Variants in SPC25 observed in about 807,000 individuals in gnomAD.
SPC25 encodes the protein SPC25 component of NDC80 kinetochore complex.
SPC25 carries 22 observed loss-of-function variants against 29.6 expected under a neutral mutation model. That is an observed-to-expected ratio of 0.74 (90% confidence interval 0.53 to 1.06). SPC25 has a LOEUF of 1.06. SPC25 is among the 50% of genes least tolerant of loss of function. The pLI is 0.00. For synonymous variants in SPC25, 91 were observed against 90.4 expected, an observed-to-expected ratio of 1.01 and a Z score of -0.04; for missense variants, 230 against 255.8, an observed-to-expected ratio of 0.90 and a Z score of 0.69.
Position 168,877,382 on chromosome 2 carries a change from T to A in SPC25, c.202A>T (p.Ile68Phe). The A allele has an allele frequency of 6.2e-7, 1 of 1,613,648 alleles. No homozygotes were observed. The highest frequency in any genetic ancestry group is 8.5e-7 in the Non-Finnish European group (1 of 1,179,784). ...VEMFLEYQNQ[I>F]SRQNKLIQEK... The stretch of plus-strand genomic sequence containing the variant: ...TGAATGAGCTTATTTTGCCTGCTGA[T>A]CTCTGTAAGAAGCACAAGGTATTAG... The change falls in exon 4 of 7, where the codon ATC (isoleucine) becomes TTC (phenylalanine). Residue 68 changes from isoleucine to phenylalanine, a missense_variant and splice_region_variant. By Grantham distance (21) the Ile-to-Phe change is conservative. Coordinates refer to ENST00000282074, the MANE Select transcript of SPC25 (RefSeq NM_020675.4).
intron 6 of SPC25, 37 bp downstream of exon 6, chr2:168,873,548 C>A: frequency 6.9e-7 from 1 of 1,446,970 alleles, no homozygotes; most frequent in South Asian, 1.2e-5. Context: ...TTTGGAACGC[C>A]AATCTTAAAT....
chr2:168,881,129 G>A (rs1574362852), intron 3 of SPC25, among the ~76,000 whole-genome samples: 1 of 152,104 alleles, frequency 6.6e-6, no homozygotes. Context: ...ATAAAACAAG[G>A]TATCCATGTA....
chr2:168,886,811 G>A (rs182057635), intron 3 of SPC25, among the ~76,000 whole-genome samples: 10 of 152,088 alleles, frequency 6.6e-5, no homozygotes, highest in African/African-American at 2.2e-4. Context: ...GAACCACCCC[G>A]CCCGGCCAAG....
At chr2:168,889,002 CACATATATGTATATATAT>C (rs1690329163) in intron 3 of SPC25, among the ~76,000 whole-genome samples, 2 of 121,850 alleles carry the variant, frequency 1.6e-5, no homozygotes, top group African/African-American at 3.4e-5. Context: ...TATATATATA[CACATATATGTATATATAT>C]ACACATATAT....
rs776610818 is a variant in SPC25 at position 168,889,458 on chromosome 2, T to C, written c.62A>G (p.Lys21Arg). The C allele has an allele frequency of 1.4e-5, 23 of 1,614,074 alleles. No individual in the cohort carries two copies. The highest frequency in any genetic ancestry group is 6.7e-5 in the Admixed American group (4 of 60,002). Residue 21 changes from lysine (K) to arginine (R), a missense_variant, in exon 2 of 7, where the codon AAA (lysine) becomes AGA (arginine). Coordinates refer to ENST00000282074, the MANE Select transcript of SPC25 (RefSeq NM_020675.4). ...KSINEFWNKF[K>R]STDTSCQMAG... ...CATCTGACAGGAGGTGTCCGTACTT[T>C]TGAATTTATTCCAAAATTCATTTAT...
Position 168,863,538 on chromosome 2 carries a change from C to G in SPC25, n.419+10047G>C, listed in dbSNP as rs974688986. The G allele has an allele frequency of 2.8e-5, 28 of 985,272 alleles. No homozygotes were observed. The Middle Eastern group carries it at 1.6e-3, about 55-fold the overall frequency. 61.0% of individuals were successfully genotyped at this position (985,272 alleles called of 1,614,324 possible). A position where few individuals can be genotyped will look rare whatever the true frequency, so the allele number is the denominator to read the frequency against. On this transcript the variant is annotated intron_variant and non_coding_transcript_variant, in intron 4 of 4. Coordinates refer to the SPC25 transcript ENST00000479309. Reference sequence around the variant, plus strand: ...AGAGCCATGTTTCTTGTCCAATTCTCTATGGAATTCTCTTTATTTGAATCA... The same window carrying G: ...AGAGCCATGTTTCTTGTCCAATTCTGTATGGAATTCTCTTTATTTGAATCA...
chr2:168,874,553 T>G (rs577501575), intron 5 of SPC25, among the ~76,000 whole-genome samples: 6 of 152,282 alleles, frequency 3.9e-5, no homozygotes, highest in Non-Finnish European at 7.4e-5. Context: ...TGGAATGAAC[T>G]TGGCTGCTGT....
At chr2:168,864,085 A>G (rs1279874902) in intron 4 of SPC25, among the ~76,000 whole-genome samples, 1 of 152,090 alleles carries the variant, frequency 6.6e-6, no homozygotes, top group Non-Finnish European at 1.5e-5. Context: ...CTCCTGCCTC[A>G]GTCTCCCAAA....
chr2:168,862,148 C>A, intron 4 of SPC25: 2 of 994,566 alleles, frequency 2.0e-6, no homozygotes, highest in South Asian at 1.4e-5. Flanking sequence ...GAGTTACTAC[C>A]ATGTCAAATC....
At chr2:168,877,410 A>G in intron 3 of SPC25, 26 bp from the exon 4 acceptor site, 3 of 1,611,310 alleles carry the variant, frequency 1.9e-6, no homozygotes, top group Non-Finnish European at 2.5e-6. Flanking sequence ...GGTATTAGCT[A>G]GAATATGCTT....
chr2:168,863,542 G>GGAATTCTCTTTATTT, intron 4 of SPC25: 1 of 985,174 alleles, frequency 1.0e-6, no homozygotes, highest in South Asian at 4.7e-5. Flanking sequence ...AATTCTCTAT[G>GGAATTCTCTTTATTT]GAATTCTCTT....
intron 4 of SPC25, among the ~76,000 whole-genome samples, chr2:168,862,487 TA>T (rs1486618077): frequency 1.3e-5 from 2 of 152,200 alleles, no homozygotes; most frequent in Non-Finnish European, 2.9e-5. Context: ...CCCACCTTTT[TA>T]TTTTTTAGAA....
At chr2:168,879,060 T>C (rs777154478) in intron 3 of SPC25, among the ~76,000 whole-genome samples, 14 of 152,242 alleles carry the variant, frequency 9.2e-5, no homozygotes, top group Non-Finnish European at 1.2e-4. Context: ...AATAATCATC[T>C]GAGCCTTCAG....
intron 3 of SPC25, among the ~76,000 whole-genome samples, chr2:168,886,195 A>G (rs1690259110): frequency 6.6e-6 from 1 of 151,736 alleles, no homozygotes; most frequent in African/African-American, 2.4e-5. Context: ...CTGGGACTAC[A>G]GGTGCCCACC....
At chr2:168,879,237 A>C (rs1690135788) in intron 3 of SPC25, among the ~76,000 whole-genome samples, 1 of 152,210 alleles carries the variant, frequency 6.6e-6, no homozygotes, top group African/African-American at 2.4e-5. Flanking sequence ...ATTTCTCTGC[A>C]GCATACAATG....
At chr2:168,881,940 A>G (rs530760486) in intron 3 of SPC25, among the ~76,000 whole-genome samples, 1 of 152,380 alleles carries the variant, frequency 6.6e-6, no homozygotes, top group African/African-American at 2.4e-5. Flanking sequence ...CAAGACAAGC[A>G]TTCCTCAGGC....
chr2:168,881,845 A>G (rs1690181408), intron 3 of SPC25, among the ~76,000 whole-genome samples: 1 of 152,266 alleles, frequency 6.6e-6, no homozygotes. Context: ...TTTAAATACC[A>G]TAAATCTTCA....
chr2:168,889,598 C>T (rs1690356092), intron 1 of SPC25, 65 bp from the exon 2 acceptor site: 1 of 1,496,136 alleles, frequency 6.7e-7, no homozygotes, highest in South Asian at 1.3e-5. Context: ...ATATTCCAAT[C>T]GGGTATACAG....
At chr2:168,876,028 T>C (rs767529012) in intron 5 of SPC25, 44 bp downstream of exon 5, 81 of 1,114,598 alleles carry the variant, frequency 7.3e-5, no homozygotes, top group South Asian at 1.6e-4. Flanking sequence ...AGAAAAGACA[T>C]ACTTTTGTAA....
Sources: gnomAD v4.1 joint callset for allele counts (sites outside exome capture counted in the v4.1 genomes callset) on GRCh38, gnomAD v4.1.1 for gene constraint, MANE v1.5 for transcripts, NCBI Gene and HGNC (gene_info 2026-07-23, HGNC 2026-07-21) for gene names.